Variants in SORCS2 observed in about 807,000 individuals in gnomAD.
SORCS2 encodes the protein sortilin related VPS10 domain containing receptor 2.
In SORCS2, 100 loss-of-function variants were observed where a neutral mutation model predicts 141.6. The ratio of observed to expected loss-of-function variants is 0.71; its 90% CI spans 0.60 to 0.83. SORCS2 has a LOEUF of 0.83. Ranked by LOEUF, SORCS2 falls within the 40% of genes least tolerant of loss-of-function variation. The pLI is 0.00. For missense variants in SORCS2, 1,646 were observed against 1,560.2 expected, an observed-to-expected ratio of 1.05 and a Z score of -0.93; for synonymous variants, 789 against 676.9, an observed-to-expected ratio of 1.17 and a Z score of -2.57.
At chr4:7,354,681 G>A (rs1243022052) in intron 1 of SORCS2, among the ~76,000 whole-genome samples, 1 of 152,220 alleles carries the variant, frequency 6.6e-6, no homozygotes, top group Admixed American at 6.5e-5. Flanking sequence ...AGCTCTGCTA[G>A]CGTGGGGTGG....
intron 1 of SORCS2, among the ~76,000 whole-genome samples, chr4:7,270,141 A>G (rs542961941): frequency 6.6e-6 from 1 of 152,358 alleles, no homozygotes; most frequent in South Asian, 2.1e-4. Flanking sequence ...TTGGCCTCCC[A>G]AAGTGCTGGG....
At chr4:7,686,333 C>A (rs1723868174) in intron 10 of SORCS2, among the ~76,000 whole-genome samples, 1 of 152,246 alleles carries the variant, frequency 6.6e-6, no homozygotes, top group African/African-American at 2.4e-5. Context: ...CAGTGAGTGC[C>A]AGGCGTCCAG....
At chr4:7,194,704 A>C (rs1727066287) in intron 1 of SORCS2, among the ~76,000 whole-genome samples, 1 of 152,076 alleles carries the variant, frequency 6.6e-6, no homozygotes, top group Non-Finnish European at 1.5e-5. Flanking sequence ...CTGCACCTTG[A>C]GAGAGGGGTC....
At chr4:7,706,739 G>T (rs1725491682) in intron 14 of SORCS2, among the ~76,000 whole-genome samples, 1 of 149,460 alleles carries the variant, frequency 6.7e-6, no homozygotes, top group African/African-American at 2.5e-5. Flanking sequence ...GCTCTGCCTG[G>T]GCAGGGATGA....
chr4:7,592,825 TTGAA>T (rs757004065), intron 3 of SORCS2, among the ~76,000 whole-genome samples: 363 of 152,254 alleles, frequency 2.4e-3, no homozygotes, highest in Admixed American at 6.1e-3. Context: ...TGTTGAATGA[TTGAA>T]TGAATGAATG....
chr4:7,466,556 C>T (rs1464796153), intron 2 of SORCS2, among the ~76,000 whole-genome samples: 1 of 152,198 alleles, frequency 6.6e-6, no homozygotes, highest in African/African-American at 2.4e-5. Context: ...GTCCATACCC[C>T]ATTCTCCCTC....
At chr4:7,642,448 C>G (rs374572286) in intron 4 of SORCS2, among the ~76,000 whole-genome samples, 1 of 152,106 alleles carries the variant, frequency 6.6e-6, no homozygotes, top group African/African-American at 2.4e-5. Flanking sequence ...TTTTCTGTGA[C>G]TATAAGGGGA....
chr4:7,629,506 T>C (rs1719739207), intron 3 of SORCS2, among the ~76,000 whole-genome samples: 1 of 151,984 alleles, frequency 6.6e-6, no homozygotes, highest in South Asian at 2.1e-4. Context: ...AGCTCTCTCC[T>C]CCTGGCCTGC....
intron 12 of SORCS2, 23 bp from the exon 13 acceptor site, chr4:7,703,257 A>ACCTGCTCTTCCTCAAACACCT: frequency 6.3e-7 from 1 of 1,596,826 alleles, no homozygotes; most frequent in Non-Finnish European, 8.5e-7. Context: ...CCCTGCCCTC[A>ACCTGCTCTTCCTCAAACACCT]GCCACACCAC....
rs571983372 is a variant in SORCS2 at position 7,198,689 on chromosome 4, G to T, written c.480+5563G>T. On this transcript the variant is annotated intron_variant, in intron 1 of 26. Transcript: ENST00000507866. ...AGGTCAAGGGATGTGGTGACCAGGG[G>T]TGAGTGCCTGTCATACTTGCTGTCA... 6.6e-5 allele frequency among the ~76,000 whole-genome samples: 10 copies of T among 152,324 alleles called. No individual in the cohort carries two copies. The South Asian group carries it at 1.9e-3, about 28-fold the overall frequency.
intron 2 of SORCS2, among the ~76,000 whole-genome samples, chr4:7,464,332 G>A (rs1729483007): frequency 6.6e-6 from 1 of 152,170 alleles, no homozygotes; most frequent in Non-Finnish European, 1.5e-5. Flanking sequence ...ATGAATAGAA[G>A]TTCACCAGGG....
At chr4:7,637,190 C>T (rs1316135895) in intron 3 of SORCS2, among the ~76,000 whole-genome samples, 1 of 152,170 alleles carries the variant, frequency 6.6e-6, no homozygotes, top group Non-Finnish European at 1.5e-5. Context: ...GGGATGTTGA[C>T]GAATCTTTTT....
intron 3 of SORCS2, among the ~76,000 whole-genome samples, chr4:7,581,694 C>T (rs116547307): frequency 0.013 from 1,942 of 152,272 alleles, 50 homozygotes; most frequent in African/African-American, 0.044. Flanking sequence ...GACCTAGCTA[C>T]GCCTCTCAGG....
chr4:7,473,387 C>T (rs6842366), intron 2 of SORCS2, among the ~76,000 whole-genome samples: 72,219 of 151,740 alleles, frequency 0.48, 17,796 homozygotes, highest in Middle Eastern at 0.55. Flanking sequence ...ATTGGGTATA[C>T]GGATGCCCAT....
intron 1 of SORCS2, among the ~76,000 whole-genome samples, chr4:7,230,806 G>A (rs961126513): frequency 6.7e-6 from 1 of 149,890 alleles, no homozygotes; most frequent in Non-Finnish European, 1.5e-5. Context: ...TAAAGTCTTC[G>A]AGTGTCTGGG....
rs552306946 is a variant in SORCS2 at position 7,332,436 on chromosome 4, C to T, written c.481-63852C>T. The stretch of plus-strand genomic sequence containing the variant: ...CCCACAGCCAGCTCCCATGATACAA[C>T]TGCCTCTGCTTCTGTCCAGGGGAGG... On this transcript the variant is annotated intron_variant, in intron 1 of 26. Transcript: ENST00000507866. Among the ~76,000 whole-genome samples the T allele has an allele frequency of 3.3e-5, 5 of 152,356 alleles. No homozygotes were observed. The South Asian group carries it at 1.0e-3, about 32-fold the overall frequency.
chr4:7,218,522 T>G (rs1302257527), intron 1 of SORCS2, among the ~76,000 whole-genome samples: 1 of 152,228 alleles, frequency 6.6e-6, no homozygotes. Flanking sequence ...TCTCAAGAGA[T>G]TAAAGGCATT....
chr4:7,735,211 G>A (rs1712071096), intron 25 of SORCS2, among the ~76,000 whole-genome samples: 1 of 152,346 alleles, frequency 6.6e-6, no homozygotes, highest in South Asian at 2.1e-4. Context: ...GGGGGCCCCA[G>A]TCTCCCCATC....
chr4:7,438,501 T>C lies in SORCS2; in HGVS notation c.548+42146T>C, dbSNP rs74426332. ...ACTATCTTGTTCCTCATCAAATGTT[T>C]ATGCATTTATTTGCGCACCTGCCCA... On this transcript the variant is annotated intron_variant, in intron 2 of 26. Coordinates refer to ENST00000507866, the MANE Select transcript of SORCS2 (RefSeq NM_020777.3). Among the ~76,000 whole-genome samples, 316 of 152,324 alleles carry C rather than the reference T, an allele frequency of 2.1e-3. 2 individuals carry two copies. Among genetic ancestry groups the C allele is most frequent in the Non-Finnish European group, 4.1e-3 (277 of 68,034 alleles).
Sources: gnomAD v4.1 joint callset for allele counts (sites outside exome capture counted in the v4.1 genomes callset) on GRCh38, gnomAD v4.1.1 for gene constraint, MANE v1.5 for transcripts, NCBI Gene and HGNC (gene_info 2026-07-23, HGNC 2026-07-21) for gene names.